CACNA2D3: variants seen among roughly 807,000 people sequenced by gnomAD.
The protein encoded by CACNA2D3 is voltage-dependent calcium channel subunit alpha-2/delta-3.
A neutral mutation model predicts 160.6 loss-of-function variants in CACNA2D3; 60 were observed. The ratio of observed to expected loss-of-function variants is 0.37; its 90% confidence interval spans 0.30 to 0.46. The LOEUF is 0.46. Among genes scored for constraint, CACNA2D3 ranks in the 20% least tolerant of loss-of-function variants. The pLI is 1.00. For missense variants in CACNA2D3, 1,205 were observed against 1,365.0 expected (o/e 0.88, Z 1.85); for synonymous variants, 558 against 492.9 (o/e 1.13, Z -1.75).
intron 11 of CACNA2D3, among the ~76,000 whole-genome samples, chr3:54,707,459 C>T (rs1700878167): frequency 6.6e-6 from 1 of 152,208 alleles, no homozygotes; most frequent in Admixed American, 6.5e-5. Flanking sequence ...CATTCACACC[C>T]ATGTCCCAGT....
chr3:54,212,142 A>G (rs1701385866), intron 2 of CACNA2D3, among the ~76,000 whole-genome samples: 1 of 152,210 alleles, frequency 6.6e-6, no homozygotes, highest in African/African-American at 2.4e-5. Flanking sequence ...ATCAACATAG[A>G]AAATATATTT....
chr3:54,608,878 C>T (rs1698689606), intron 9 of CACNA2D3, among the ~76,000 whole-genome samples: 1 of 152,172 alleles, frequency 6.6e-6, no homozygotes, highest in Non-Finnish European at 1.5e-5. Flanking sequence ...TGAATGGACC[C>T]CATGACGTTG....
chr3:54,614,437 T>C (rs1409272584), intron 9 of CACNA2D3, among the ~76,000 whole-genome samples: 2 of 152,244 alleles, frequency 1.3e-5, no homozygotes, highest in Non-Finnish European at 2.9e-5. Context: ...GTCTAGCAAG[T>C]GCTTCCCCAC....
At chr3:54,453,180 A>G (rs1332184467) in intron 4 of CACNA2D3, among the ~76,000 whole-genome samples, 2 of 152,046 alleles carry the variant, frequency 1.3e-5, no homozygotes, top group African/African-American at 4.8e-5. Context: ...TTTTGTACAG[A>G]TGAGGTCTTT....
At chr3:54,163,470 A>G (rs927393789) in intron 2 of CACNA2D3, among the ~76,000 whole-genome samples, 1 of 152,134 alleles carries the variant, frequency 6.6e-6, no homozygotes, top group African/African-American at 2.4e-5. Context: ...GGAAAGGGCG[A>G]TGGTGGAATC....
intron 27 of CACNA2D3, among the ~76,000 whole-genome samples, chr3:54,950,336 C>T (rs922597123): frequency 1.3e-5 from 2 of 152,186 alleles, no homozygotes; most frequent in African/African-American, 4.8e-5. Context: ...GATGCAGCCA[C>T]TACAAAGGCC....
At chr3:54,979,340 T>A (rs1184955793) in intron 29 of CACNA2D3, among the ~76,000 whole-genome samples, 4 of 152,202 alleles carry the variant, frequency 2.6e-5, no homozygotes, top group Non-Finnish European at 5.9e-5. Context: ...GTCAAAGCCT[T>A]GGTAAAATAA....
At chr3:54,704,833 C>A (rs1345201889) in intron 11 of CACNA2D3, among the ~76,000 whole-genome samples, 1 of 152,166 alleles carries the variant, frequency 6.6e-6, no homozygotes, top group Non-Finnish European at 1.5e-5. Context: ...CCACCCCTAC[C>A]TCCCTCCTAC....
At chr3:54,875,818 A>G (rs1003408670) in intron 18 of CACNA2D3, 2 of 152,252 alleles carry the variant, frequency 1.3e-5, no homozygotes, top group Non-Finnish European at 2.9e-5. Flanking sequence ...GAGGCTGATC[A>G]CTGTCGCCAG....
intron 12 of CACNA2D3, among the ~76,000 whole-genome samples, chr3:54,754,503 C>A (rs1015761592): frequency 1.3e-5 from 2 of 152,156 alleles, no homozygotes; most frequent in African/African-American, 2.4e-5. Flanking sequence ...TTATGTTGAT[C>A]TCTGGGTCCT....
chr3:54,386,712 T>TTTTTA lies in CACNA2D3; in HGVS notation c.322-3_322-2insTTTTA. 1 of 1,540,324 alleles carries TTTTTA rather than the reference T, an allele frequency of 6.5e-7. No homozygotes were observed. The highest frequency in any genetic ancestry group is 8.7e-7 in the Non-Finnish European group (1 of 1,148,146). ...GTCTTCTGTTTTTTTTTTTTTTTTT[T>TTTTTA]AGCGTCTGGTGGAGGCTGCAGAAGA... On this transcript the variant is annotated splice_region_variant and splice_polypyrimidine_tract_variant and intron_variant, in intron 3 of 37. Coordinates refer to ENST00000474759, the MANE Select transcript of CACNA2D3 (RefSeq NM_018398.3).
chr3:54,172,353 T>C (rs2107312743), intron 2 of CACNA2D3, among the ~76,000 whole-genome samples: 1 of 152,376 alleles, frequency 6.6e-6, no homozygotes, highest in South Asian at 2.1e-4. Flanking sequence ...TGCTGCAAGC[T>C]GCTTGGATGT....
chr3:54,159,145 T>C (rs766959669), intron 2 of CACNA2D3, among the ~76,000 whole-genome samples: 1 of 152,202 alleles, frequency 6.6e-6, no homozygotes, highest in Non-Finnish European at 1.5e-5. Context: ...GGGATTTTGA[T>C]TGATTCAGTC....
intron 12 of CACNA2D3, among the ~76,000 whole-genome samples, chr3:54,758,262 T>A (rs2107081561): frequency 6.6e-6 from 1 of 152,296 alleles, no homozygotes; most frequent in Admixed American, 6.5e-5. Context: ...TACCTTTAGA[T>A]TGTTTTCTTC....
intron 27 of CACNA2D3, among the ~76,000 whole-genome samples, chr3:54,944,385 A>G (rs1454442464): frequency 6.6e-6 from 1 of 151,128 alleles, no homozygotes; most frequent in Non-Finnish European, 1.5e-5. Context: ...TTTTATTTTA[A>G]ATTTCCCAGG....
At chr3:54,961,797 T>C (rs938990502) in intron 27 of CACNA2D3, among the ~76,000 whole-genome samples, 3 of 152,050 alleles carry the variant, frequency 2.0e-5, no homozygotes, top group African/African-American at 7.3e-5. Flanking sequence ...ACAGGACATC[T>C]TCTGTTTTCT....
intron 11 of CACNA2D3, among the ~76,000 whole-genome samples, chr3:54,666,383 C>G (rs1394444646): frequency 6.6e-6 from 1 of 152,192 alleles, no homozygotes; most frequent in Admixed American, 6.5e-5. Flanking sequence ...TGGAACAAAG[C>G]TCTGCCTAGG....
intron 12 of CACNA2D3, among the ~76,000 whole-genome samples, chr3:54,754,398 T>G (rs1281635491): frequency 1.3e-5 from 2 of 152,144 alleles, no homozygotes; most frequent in Non-Finnish European, 2.9e-5. Context: ...GACAATACCT[T>G]CCCCTCACAC....
chr3:54,201,055 G>A (rs1701169009), intron 2 of CACNA2D3, among the ~76,000 whole-genome samples: 1 of 152,222 alleles, frequency 6.6e-6, no homozygotes, highest in South Asian at 2.1e-4. Flanking sequence ...TGGCCGGTCT[G>A]AAATGAGACG....
Sources: gnomAD v4.1 joint callset for allele counts (sites outside exome capture counted in the v4.1 genomes callset) on GRCh38, gnomAD v4.1.1 for gene constraint, MANE v1.5 for transcripts, NCBI Gene and HGNC (gene_info 2026-07-23, HGNC 2026-07-21) for gene names.